MTTP: variants seen among roughly 807,000 people sequenced by gnomAD.
The protein encoded by MTTP is microsomal triglyceride transfer protein, also known as microsomal triglyceride transfer protein large subunit.
In MTTP, 49 loss-of-function variants were observed where a neutral mutation model predicts 90.6. The observed-to-expected ratio is 0.54, with a 90% CI of 0.43 to 0.69. MTTP has a LOEUF of 0.69. Among genes scored for constraint, MTTP ranks in the 30% least tolerant of loss-of-function variants. The pLI is 0.00. For missense variants in MTTP, 945 were observed against 1,067.5 expected (o/e 0.89, Z 1.60); for synonymous variants, 347 against 384.2 (o/e 0.90, Z 1.13).
intron 10 of MTTP, among the ~76,000 whole-genome samples, chr4:99,601,978 T>G (rs1440271926): frequency 6.6e-6 from 1 of 152,088 alleles, no homozygotes; most frequent in African/African-American, 2.4e-5. Context: ...CAGTTCCCGG[T>G]ACATAGATAA....
intron 14 of MTTP, among the ~76,000 whole-genome samples, chr4:99,612,588 G>T (rs1294139554): frequency 6.6e-6 from 1 of 152,092 alleles, no homozygotes; most frequent in Non-Finnish European, 1.5e-5. Flanking sequence ...GAAAGCTCAT[G>T]GTTTTCATAG....
chr4:99,578,367 G>T (rs1270604336), intron 1 of MTTP, among the ~76,000 whole-genome samples: 3 of 152,142 alleles, frequency 2.0e-5, no homozygotes, highest in African/African-American at 4.8e-5. Context: ...AAGGAATTAA[G>T]TCAACAATAT....
chr4:99,623,028 C>T lies in MTTP; in HGVS notation c.*180C>T. On this transcript the variant is annotated 3_prime_UTR_variant, in exon 18 of 18. Transcript: ENST00000265517. The stretch of plus-strand genomic sequence containing the variant: ...TTGGGTATATGCAGTATGCTACCCA[C>T]AGCGTCATTTTGAATCATCATGTGA... The T allele has an allele frequency of 3.0e-6, 2 of 659,852 alleles. No homozygotes were observed. The highest frequency in any genetic ancestry group is 2.7e-6 in the Non-Finnish European group (1 of 374,432). The allele number at this position is 659,852 out of a possible 1,614,324, so 40.9% of individuals were successfully genotyped here. A position where few individuals can be genotyped will look rare whatever the true frequency, so the allele number is the denominator to read the frequency against.
chr4:99,600,365 G>A (rs1368873772), intron 8 of MTTP, among the ~76,000 whole-genome samples, 200 bp from the exon 9 acceptor site: 1 of 151,664 alleles, frequency 6.6e-6, no homozygotes, highest in Non-Finnish European at 1.5e-5. Context: ...GTGAGAGAGA[G>A]GGGCGTTCAA....
intron 1 of MTTP, among the ~76,000 whole-genome samples, chr4:99,580,626 C>T (rs71612700): frequency 0.07 from 10,007 of 143,192 alleles, 568 homozygotes; most frequent in African/African-American, 0.15. Context: ...GATGAATTAC[C>T]TGGGTGACCT....
At chr4:99,592,871 CATT>C (rs1270854966) in intron 6 of MTTP, among the ~76,000 whole-genome samples, 1 of 152,082 alleles carries the variant, frequency 6.6e-6, no homozygotes, top group Non-Finnish European at 1.5e-5. Context: ...CATTTGTCAC[CATT>C]ATCAAGTATT....
In MTTP at chr4:99,583,367, A is replaced by G; in HGVS notation, c.250-7A>G. 6.2e-7 allele frequency: 1 copy of G among 1,612,744 alleles called. No homozygotes were observed. The highest frequency in any genetic ancestry group is 8.5e-7 in the Non-Finnish European group (1 of 1,179,502). On this transcript the variant is annotated splice_polypyrimidine_tract_variant and splice_region_variant and intron_variant, in intron 2 of 17. Transcript: ENST00000265517. Reference sequence around the variant, plus strand: ...TTTTTTTAACAGCTTTCTTTCTGTTACTCCAGATGAAGGATGTAAATGTTG... The same window carrying G: ...TTTTTTTAACAGCTTTCTTTCTGTTGCTCCAGATGAAGGATGTAAATGTTG...
At chr4:99,575,187 C>A (rs751472357) in intron 1 of MTTP, among the ~76,000 whole-genome samples, 1 of 152,118 alleles carries the variant, frequency 6.6e-6, no homozygotes, top group Non-Finnish European at 1.5e-5. Context: ...ACAGATATTT[C>A]TTTTAGTTTC....
At chr4:99,607,066 A>G in intron 11 of MTTP, 106 bp downstream of exon 11, 2 of 971,148 alleles carry the variant, frequency 2.1e-6, no homozygotes, top group Non-Finnish European at 3.1e-6. Flanking sequence ...ATTTTCCCCA[A>G]ATAGTCTTCT....
At chr4:99,574,560 C>A (rs1724907498), upstream of MTTP, 3 of 414,124 alleles carry the variant, frequency 7.2e-6, no homozygotes, top group South Asian at 6.5e-5. Context: ...GTATCACCAC[C>A]AGTTTTTTTC....
chr4:99,622,885 C>A lies in MTTP; in HGVS notation c.*37C>A. The A allele has an allele frequency of 6.3e-7, 1 of 1,594,262 alleles. No homozygotes were observed. Among genetic ancestry groups the A allele is most frequent in the South Asian group, 1.1e-5 (1 of 90,644 alleles). ...GATATTTTACTTGAATTTGTCTCCC[C>A]GAAAGGGACACAATGTGGCATGACT... On this transcript the variant is annotated 3_prime_UTR_variant, in exon 18 of 18. Coordinates refer to ENST00000265517, the MANE Select transcript of MTTP (RefSeq NM_001386140.1).
At chr4:99,611,592 C>A in intron 14 of MTTP, 139 bp downstream of exon 14, 1 of 1,224,508 alleles carries the variant, frequency 8.2e-7, no homozygotes, top group Non-Finnish European at 1.2e-6. Flanking sequence ...CCCATGATTT[C>A]CTTATCTGTA....
At chr4:99,588,450 C>T (rs1293637366) in intron 3 of MTTP, among the ~76,000 whole-genome samples, 5 of 152,016 alleles carry the variant, frequency 3.3e-5, no homozygotes, top group African/African-American at 1.2e-4. Flanking sequence ...TACTTTTATC[C>T]TTGTTTCTTA....
intron 11 of MTTP, among the ~76,000 whole-genome samples, chr4:99,607,795 T>G (rs1725853835): frequency 6.6e-6 from 1 of 152,114 alleles, no homozygotes; most frequent in Non-Finnish European, 1.5e-5. Flanking sequence ...ACCTACAGAC[T>G]TTGGGTAATA....
At chr4:99,594,648 C>A in intron 6 of MTTP, 85 bp from the exon 7 acceptor site, 1 of 1,499,218 alleles carries the variant, frequency 6.7e-7, no homozygotes, top group Non-Finnish European at 9.3e-7. Context: ...AAATTACTAT[C>A]TTGTTTGCCA....
At chr4:99,576,468 G>A (rs1420935638) in intron 1 of MTTP, among the ~76,000 whole-genome samples, 1 of 151,924 alleles carries the variant, frequency 6.6e-6, no homozygotes, top group Non-Finnish European at 1.5e-5. Flanking sequence ...GGCCGAGGCG[G>A]GCGGATCACG....
At chr4:99,566,224 G>A (rs1385056852) in intron 1 of MTTP, among the ~76,000 whole-genome samples, 1 of 148,626 alleles carries the variant, frequency 6.7e-6, no homozygotes, top group Non-Finnish European at 1.5e-5. Context: ...GGGAGGCGGA[G>A]CTTGCGGTGA....
chr4:99,575,820 T>C (rs980089010), intron 1 of MTTP, among the ~76,000 whole-genome samples: 1 of 152,202 alleles, frequency 6.6e-6, no homozygotes, highest in Non-Finnish European at 1.5e-5. Flanking sequence ...TAAAAACCAA[T>C]TGATATAACA....
chr4:99,565,651 A>G (rs1724668178), intron 1 of MTTP, among the ~76,000 whole-genome samples: 1 of 152,250 alleles, frequency 6.6e-6, no homozygotes, highest in East Asian at 1.9e-4. Flanking sequence ...TAGGGGAGCC[A>G]GCAGTAAATA....
Sources: gnomAD v4.1 joint callset for allele counts (sites outside exome capture counted in the v4.1 genomes callset) on GRCh38, gnomAD v4.1.1 for gene constraint, MANE v1.5 for transcripts, NCBI Gene and HGNC (gene_info 2026-07-23, HGNC 2026-07-21) for gene names.